Variants in PTPRJ observed in about 807,000 individuals in gnomAD.
PTPRJ encodes the protein receptor-type tyrosine-protein phosphatase eta.
In PTPRJ, 129 loss-of-function variants were observed where a neutral mutation model predicts 141.3. The ratio of observed to expected loss-of-function variants is 0.91; its 90% CI spans 0.79 to 1.06. PTPRJ has a LOEUF of 1.06. Among genes scored for constraint, PTPRJ ranks in the 50% least tolerant of loss-of-function variants. PTPRJ has a pLI of 0.00. For synonymous variants in PTPRJ, 610 were observed against 640.5 expected (o/e 0.95, Z 0.72); for missense variants, 1,601 against 1,679.7 (o/e 0.95, Z 0.82).
chr11:47,986,005 C>T (rs1025581377), intron 1 of PTPRJ, among the ~76,000 whole-genome samples: 1 of 152,092 alleles, frequency 6.6e-6, no homozygotes, highest in Non-Finnish European at 1.5e-5. Context: ...CTGGCCCAGA[C>T]ATTTTTTAGA....
chr11:48,027,885 T>C (rs1853867821), intron 1 of PTPRJ, among the ~76,000 whole-genome samples: 1 of 151,994 alleles, frequency 6.6e-6, no homozygotes, highest in Non-Finnish European at 1.5e-5. Context: ...TTTGTTTCTT[T>C]TTCCCCACAA....
At chr11:48,106,751 C>CT (rs772512301) in intron 1 of PTPRJ, among the ~76,000 whole-genome samples, 6 of 130,108 alleles carry the variant, frequency 4.6e-5, no homozygotes, top group Non-Finnish European at 8.1e-5. Flanking sequence ...CTTTTCTTTT[C>CT]TTTCTTTCTT....
At chr11:48,117,603 T>A (rs537484123) in intron 3 of PTPRJ, among the ~76,000 whole-genome samples, 1 of 138,956 alleles carries the variant, frequency 7.2e-6, no homozygotes, top group Admixed American at 7.3e-5. Flanking sequence ...GCCTGGGTTT[T>A]GAGAGCCTGT....
intron 1 of PTPRJ, among the ~76,000 whole-genome samples, chr11:48,023,929 C>G (rs1383681768): frequency 6.6e-6 from 1 of 151,944 alleles, no homozygotes; most frequent in Non-Finnish European, 1.5e-5. Flanking sequence ...CCATCCTAGG[C>G]TACCTCACCA....
chr11:48,060,340 A>C (rs1256565260), intron 1 of PTPRJ, among the ~76,000 whole-genome samples: 1 of 152,170 alleles, frequency 6.6e-6, no homozygotes. Context: ...TTTCCATTAA[A>C]GTGTGGATGG....
At chr11:48,134,747 C>T (rs948171380) in intron 8 of PTPRJ, among the ~76,000 whole-genome samples, 4 of 152,134 alleles carry the variant, frequency 2.6e-5, no homozygotes, top group African/African-American at 7.2e-5. Context: ...CGGTTACTTC[C>T]GGGCCTCTAT....
At chr11:47,999,514 C>T (rs1032177486) in intron 1 of PTPRJ, among the ~76,000 whole-genome samples, 19 of 152,214 alleles carry the variant, frequency 1.2e-4, no homozygotes, top group African/African-American at 4.6e-4. Context: ...TTAGAAGCCC[C>T]TTTAAGTGGG....
intron 1 of PTPRJ, among the ~76,000 whole-genome samples, chr11:48,013,079 G>A (rs2134203686): frequency 6.9e-6 from 1 of 144,708 alleles, no homozygotes; most frequent in Middle Eastern, 3.7e-3. Flanking sequence ...ACTCCAGCCT[G>A]GGCAACAGAG....
intron 1 of PTPRJ, among the ~76,000 whole-genome samples, chr11:48,066,175 G>A (rs1855077262): frequency 1.3e-5 from 2 of 152,030 alleles, no homozygotes; most frequent in African/African-American, 4.8e-5. Context: ...AAAAACCAAA[G>A]TAATGCGTAT....
At chr11:47,981,672 C>A (rs1853912706) in intron 1 of PTPRJ, among the ~76,000 whole-genome samples, 1 of 152,176 alleles carries the variant, frequency 6.6e-6, no homozygotes, top group East Asian at 1.9e-4. Context: ...GCTCCCCCTC[C>A]CCACCCCACC....
chr11:48,109,155 A>G (rs532752853), intron 1 of PTPRJ, among the ~76,000 whole-genome samples: 2 of 152,266 alleles, frequency 1.3e-5, no homozygotes, highest in African/African-American at 4.8e-5. Flanking sequence ...GTGAGGGGGC[A>G]GTGAGACCAG....
chr11:47,999,721 A>G (rs898903285), intron 1 of PTPRJ, among the ~76,000 whole-genome samples: 2 of 152,194 alleles, frequency 1.3e-5, no homozygotes, highest in African/African-American at 4.8e-5. Flanking sequence ...CTCTTTGGAA[A>G]CAGAGACCCA....
chr11:48,104,964 A>G (rs1423632619), intron 1 of PTPRJ, among the ~76,000 whole-genome samples: 1 of 152,128 alleles, frequency 6.6e-6, no homozygotes, highest in African/African-American at 2.4e-5. Flanking sequence ...TACATCTGGA[A>G]AATGGGGATA....
At chr11:48,018,748 A>G (rs999572455) in intron 1 of PTPRJ, among the ~76,000 whole-genome samples, 16 of 152,026 alleles carry the variant, frequency 1.1e-4, no homozygotes, top group African/African-American at 3.6e-4. Context: ...CTTTAGTTAG[A>G]CTTGATGAGC....
intron 1 of PTPRJ, among the ~76,000 whole-genome samples, chr11:48,104,539 G>C (rs1320251489): frequency 2.0e-5 from 3 of 152,138 alleles, no homozygotes; most frequent in Non-Finnish European, 4.4e-5. Context: ...AGAGTCTATT[G>C]TTACCCATTG....
At chr11:48,029,728 T>G (rs1590417971) in intron 1 of PTPRJ, among the ~76,000 whole-genome samples, 1 of 131,994 alleles carries the variant, frequency 7.6e-6, no homozygotes, top group Admixed American at 6.9e-5. Context: ...GATTTATGGG[T>G]TTTTTTTGAG....
chr11:48,062,398 A>G (rs1047070299), intron 1 of PTPRJ, among the ~76,000 whole-genome samples: 1 of 151,858 alleles, frequency 6.6e-6, no homozygotes, highest in Non-Finnish European at 1.5e-5. Context: ...CTGTAGTACC[A>G]GCTACTTGGG....
chr11:48,057,995 T>A (rs1247527609), intron 1 of PTPRJ, among the ~76,000 whole-genome samples: 1 of 151,536 alleles, frequency 6.6e-6, no homozygotes, highest in East Asian at 1.9e-4. Context: ...CGCTGCAGCC[T>A]CCGCCTCCCG....
Position 48,144,212 on chromosome 11 carries a change from A to T in PTPRJ, c.2576-463A>T, listed in dbSNP as rs1857299274. Among the ~76,000 whole-genome samples the T allele has an allele frequency of 2.0e-5, 3 of 152,152 alleles. No homozygotes were observed. In the South Asian group the frequency reaches 6.2e-4, roughly 32 times the overall value. On this transcript the variant is annotated intron_variant, in intron 12 of 24. Transcript: ENST00000418331. ...TTCAAAAAGTGAGGTTGAAATCTCT[A>T]TCTTTTAATTTTGGGTCTGTTTCCA...
Sources: allele counts gnomAD v4.1 joint callset (sites outside exome capture counted in the v4.1 genomes callset), GRCh38; gene constraint gnomAD v4.1.1; transcripts MANE v1.5; gene names NCBI Gene and HGNC (gene_info 2026-07-23, HGNC 2026-07-21).